BNC2: variants seen among roughly 807,000 people sequenced by gnomAD.
BNC2 encodes basonuclin zinc finger protein 2, also known as zinc finger protein basonuclin-2.
BNC2 carries 20 observed loss-of-function variants against 76.3 expected under a neutral mutation model. The observed-to-expected ratio is 0.26, with a 90% CI of 0.18 to 0.38. BNC2 has a LOEUF of 0.38. Among genes scored for constraint, BNC2 ranks in the 10% least tolerant of loss-of-function variants. BNC2 has a pLI of 1.00. For missense variants in BNC2, 1,382 were observed against 1,399.8 expected, an observed-to-expected ratio of 0.99 and a Z score of 0.20; for synonymous variants, 582 against 514.8, an observed-to-expected ratio of 1.13 and a Z score of -1.77.
At chr9:16,423,928 G>A (rs1427309604) in intron 6 of BNC2, among the ~76,000 whole-genome samples, 1 of 152,160 alleles carries the variant, frequency 6.6e-6, no homozygotes, top group East Asian at 1.9e-4. Context: ...ACCTTGGACT[G>A]AGGGGAGGGT....
chr9:16,672,441 G>A (rs1285859406), intron 3 of BNC2, among the ~76,000 whole-genome samples: 1 of 152,132 alleles, frequency 6.6e-6, no homozygotes, highest in East Asian at 1.9e-4. Context: ...AGTTTGCAGT[G>A]AGCAGAGATC....
At chr9:16,743,405 C>G (rs1444928832) in intron 1 of BNC2, among the ~76,000 whole-genome samples, 1 of 152,170 alleles carries the variant, frequency 6.6e-6, no homozygotes, top group East Asian at 1.9e-4. Context: ...GGTTCTACCC[C>G]TCTGAAAGAG....
intron 1 of BNC2, among the ~76,000 whole-genome samples, chr9:16,771,156 G>A (rs77301278): frequency 0.017 from 2,515 of 152,188 alleles, 74 homozygotes; most frequent in African/African-American, 0.057. Flanking sequence ...GTGACAGAGC[G>A]AGACTCTGTC....
chr9:16,637,840 G>GA (rs977684569), intron 3 of BNC2, among the ~76,000 whole-genome samples: 24 of 150,800 alleles, frequency 1.6e-4, no homozygotes, highest in Admixed American at 6.6e-4. Flanking sequence ...ATCAGGCAAA[G>GA]AAAAAAAAAT....
chr9:16,818,508 G>C (rs1432568170), intron 1 of BNC2, among the ~76,000 whole-genome samples: 1 of 152,220 alleles, frequency 6.6e-6, no homozygotes, highest in Non-Finnish European at 1.5e-5. Context: ...ATGAGCTTAA[G>C]TGTCTCTAGA....
At chr9:16,652,381 T>G (rs1821817170) in intron 3 of BNC2, among the ~76,000 whole-genome samples, 3 of 152,202 alleles carry the variant, frequency 2.0e-5, no homozygotes. Context: ...TCTTTTAGGT[T>G]GCCAAACCAG....
At chr9:16,453,153 G>A (rs924122813) in intron 5 of BNC2, among the ~76,000 whole-genome samples, 2 of 152,168 alleles carry the variant, frequency 1.3e-5, no homozygotes, top group Admixed American at 1.3e-4. Context: ...CTGAAAATGA[G>A]CCAAGTAGGA....
intron 1 of BNC2, among the ~76,000 whole-genome samples, chr9:16,863,309 G>T (rs1397565369): frequency 6.6e-6 from 1 of 152,152 alleles, no homozygotes; most frequent in South Asian, 2.1e-4. Flanking sequence ...CATCCCACCT[G>T]GGGGAAAGAC....
At chr9:16,838,569 A>G (rs1299781860) in intron 1 of BNC2, among the ~76,000 whole-genome samples, 1 of 152,218 alleles carries the variant, frequency 6.6e-6, no homozygotes, top group Non-Finnish European at 1.5e-5. Flanking sequence ...GTTAAAAAAA[A>G]GAAATGCGAG....
At chr9:16,866,767 GT>G (rs1010214992) in intron 1 of BNC2, among the ~76,000 whole-genome samples, 7 of 151,534 alleles carry the variant, frequency 4.6e-5, no homozygotes, top group Non-Finnish European at 1.0e-4. Context: ...TGGCCAGAGT[GT>G]TTTTTAAACC....
intron 3 of BNC2, among the ~76,000 whole-genome samples, chr9:16,598,505 C>A (rs527573872): frequency 2.0e-5 from 3 of 152,128 alleles, no homozygotes; most frequent in Non-Finnish European, 2.9e-5. Context: ...ATAAGAGAGA[C>A]AAAAGATAAT....
intron 4 of BNC2, among the ~76,000 whole-genome samples, chr9:16,573,871 A>AT (rs1819406214): frequency 6.6e-6 from 1 of 152,230 alleles, no homozygotes; most frequent in Non-Finnish European, 1.5e-5. Context: ...CTACAAAGGC[A>AT]AAACCTGGTA....
At chr9:16,722,624 A>G (rs1428809148) in intron 3 of BNC2, among the ~76,000 whole-genome samples, 3 of 152,242 alleles carry the variant, frequency 2.0e-5, no homozygotes, top group Non-Finnish European at 4.4e-5. Flanking sequence ...AGAAAATTAA[A>G]TAATTTCAAA....
chr9:16,487,823 T>C (rs1327120010), intron 5 of BNC2, among the ~76,000 whole-genome samples: 1 of 152,228 alleles, frequency 6.6e-6, no homozygotes, highest in Non-Finnish European at 1.5e-5. Flanking sequence ...GAAATATTCT[T>C]TCTCTTCCTC....
intron 1 of BNC2, among the ~76,000 whole-genome samples, chr9:16,862,703 G>A (rs184748417): frequency 2.4e-3 from 358 of 152,116 alleles, no homozygotes; most frequent in Non-Finnish European, 1.9e-3. Context: ...TCTAATTTGG[G>A]GGTTTTCATT....
rs144665714 is a variant in BNC2 at position 16,483,396 on chromosome 9, T to G, written c.670-45872A>C. Among the ~76,000 whole-genome samples the G allele has an allele frequency of 3.0e-3, 461 of 152,330 alleles. 1 individual carries two copies. Among genetic ancestry groups the G allele is most frequent in the African/African-American group, 0.011 (444 of 41,580 alleles). On this transcript the variant is annotated intron_variant, in intron 5 of 6. Coordinates refer to ENST00000380672, the MANE Select transcript of BNC2 (RefSeq NM_017637.6). ...TCTTCAAGACACAAGATTCAAATAC[T>G]ATAAAGCTATGTGGTTTTGGCTGCA...
At chr9:16,626,244 G>A (rs932045173) in intron 3 of BNC2, 3 of 152,168 alleles carry the variant, frequency 2.0e-5, no homozygotes, top group African/African-American at 7.2e-5. Context: ...ATGACCCTGT[G>A]TAAAGCATTC....
intron 1 of BNC2, among the ~76,000 whole-genome samples, chr9:16,776,341 T>A (rs1370154446): frequency 1.3e-5 from 2 of 152,276 alleles, no homozygotes; most frequent in African/African-American, 2.4e-5. Context: ...GGTTTCACCA[T>A]GTTGCCCAGG....
intron 1 of BNC2, among the ~76,000 whole-genome samples, chr9:16,806,792 A>G (rs2243699): frequency 0.99 from 150,555 of 152,322 alleles, 74,424 homozygotes; most frequent in East Asian, 1. Context: ...ATCAGACTGA[A>G]AACCTGGTTT....
Sources: gnomAD v4.1 joint callset for allele counts (sites outside exome capture counted in the v4.1 genomes callset) on GRCh38, gnomAD v4.1.1 for gene constraint, MANE v1.5 for transcripts, NCBI Gene and HGNC (gene_info 2026-07-23, HGNC 2026-07-21) for gene names.